Variants in CMTM4 observed in about 807,000 individuals in gnomAD.
CMTM4 encodes the protein CKLF-like MARVEL transmembrane domain-containing protein 4.
A neutral mutation model predicts 19.0 loss-of-function variants in CMTM4; 8 were observed. The observed-to-expected ratio is 0.42, with a 90% CI of 0.25 to 0.76. The LOEUF (loss-of-function observed/expected upper bound fraction) is 0.76. Among genes scored for constraint, CMTM4 ranks in the 30% least tolerant of loss-of-function variants. The probability of loss-of-function intolerance (pLI) is 0.27; values close to 1 mark genes in which losing one functional copy is unlikely to be tolerated. For missense variants in CMTM4, 228 were observed against 290.2 expected, an observed-to-expected ratio of 0.79 and a Z score of 1.56; for synonymous variants, 106 against 121.1, an observed-to-expected ratio of 0.88 and a Z score of 0.82.
rs759931112 is a variant in CMTM4, at chr16:66,696,311, G to A, written c.186+29C>T. The A allele has an allele frequency of 6.2e-6, 8 of 1,299,612 alleles. No individual in the cohort carries two copies. The highest frequency in any genetic ancestry group is 3.3e-5 in the East Asian group (1 of 30,274). The allele number at this position is 1,299,612 out of a possible 1,614,324, so 80.5% of individuals were successfully genotyped here. A position where few individuals can be genotyped will look rare whatever the true frequency, so the allele number is the denominator to read the frequency against. On this transcript the variant is annotated intron_variant, in intron 1 of 3. Transcript: ENST00000394106. The surrounding 1 kb of genome is among the most constrained non-coding windows in gnomAD (Gnocchi z 4.3). ...GGAGGCGTGCGGCTAGGCCGCCCTC[G>A]GGCACCTGGGGCCCCGCCCGGCACC...
At chr16:66,600,763 A>T in the CMTM4 span, among the ~76,000 whole-genome samples, 1 of 152,238 alleles carries the variant, frequency 6.6e-6, no homozygotes, top group South Asian at 2.1e-4. Context: ...CATCACCAGC[A>T]GCAGCAGAAA....
the CMTM4 span, among the ~76,000 whole-genome samples, chr16:66,607,107 G>A: frequency 6.6e-6 from 1 of 152,222 alleles, no homozygotes; most frequent in Non-Finnish European, 1.5e-5. Flanking sequence ...GTGGGGCTGT[G>A]CTCATGGGTG....
In CMTM4 at chr16:66,619,142, G is replaced by A. The variant is rs1567401340; in HGVS notation, c.*2916C>T. 1 of 985,464 alleles carries A rather than the reference G, an allele frequency of 1.0e-6. No individual in the cohort carries two copies. The highest frequency in any genetic ancestry group is 1.1e-4 in the East Asian group (1 of 8,820). The allele number at this position is 985,464 out of a possible 1,614,324, so 61.0% of individuals were successfully genotyped here. Reference sequence around the variant, plus strand: ...CAAGTATCTCCAGCCTTTCATGACTGTAATCCCTCTTTAAGGCAGGGAAAA... The same window carrying A: ...CAAGTATCTCCAGCCTTTCATGACTATAATCCCTCTTTAAGGCAGGGAAAA... On this transcript the variant is annotated 3_prime_UTR_variant, in exon 4 of 4. Transcript: ENST00000394106.
intron 1 of CMTM4, among the ~76,000 whole-genome samples, chr16:66,660,387 CAAA>C (rs34266604): frequency 1.3e-4 from 11 of 84,480 alleles, no homozygotes; most frequent in Non-Finnish European, 1.9e-4. Flanking sequence ...GATCCTGTCT[CAAA>C]AAAAAAAAAA....
intron 1 of CMTM4, among the ~76,000 whole-genome samples, chr16:66,657,218 T>G (rs531308908): frequency 6.6e-6 from 1 of 152,066 alleles, no homozygotes; most frequent in Non-Finnish European, 1.5e-5. Flanking sequence ...CTGAGTATCT[T>G]GGGCTATAGG....
chr16:66,673,404 C>G (rs1362988455), intron 1 of CMTM4, among the ~76,000 whole-genome samples: 1 of 150,812 alleles, frequency 6.6e-6, no homozygotes, highest in Non-Finnish European at 1.5e-5. Context: ...GACAGGGTCT[C>G]CCTGTGCTGC....
At chr16:66,683,731 C>A (rs753908274) in intron 1 of CMTM4, among the ~76,000 whole-genome samples, 1 of 151,708 alleles carries the variant, frequency 6.6e-6, no homozygotes, top group Non-Finnish European at 1.5e-5. Context: ...ATGGTCAATG[C>A]TCTGGAGGAG....
intron 2 of CMTM4, among the ~76,000 whole-genome samples, chr16:66,633,630 C>G (rs1299737115): frequency 6.6e-6 from 1 of 152,030 alleles, no homozygotes; most frequent in Admixed American, 6.6e-5. Flanking sequence ...ACAGTCTGGC[C>G]AACGTGGCGA....
intron 2 of CMTM4, among the ~76,000 whole-genome samples, chr16:66,630,379 C>G (rs1208530668): frequency 6.9e-6 from 1 of 145,038 alleles, no homozygotes; most frequent in Non-Finnish European, 1.5e-5. Flanking sequence ...CGGTCTCCCT[C>G]TGATGCCGAG....
intron 2 of CMTM4, among the ~76,000 whole-genome samples, chr16:66,632,802 G>A (rs766012156): frequency 1.3e-5 from 2 of 152,214 alleles, no homozygotes; most frequent in Admixed American, 1.3e-4. Context: ...AACAAATATC[G>A]CCAGGCACGG....
rs746754229 is a variant in CMTM4 at position 66,621,838 on chromosome 16, G to A, written c.*220C>T. On this transcript the variant is annotated 3_prime_UTR_variant, in exon 4 of 4. Coordinates refer to ENST00000394106, the MANE Select transcript of CMTM4 (RefSeq NM_181521.3). ...ACCTCAAGTGGACCTGGGCAGTGAC[G>A]CCGGCTGCTCCACAGCCCCAAACGC... 1.4e-5 allele frequency: 19 copies of A among 1,385,560 alleles called. No individual in the cohort carries two copies. Among genetic ancestry groups the A allele is most frequent in the South Asian group, 8.4e-5 (5 of 59,632 alleles). The allele number at this position is 1,385,560 out of a possible 1,614,324, so 85.8% of individuals were successfully genotyped here.
At chr16:66,609,449 T>G in the CMTM4 span, 1 of 1,612,968 alleles carries the variant, frequency 6.2e-7, no homozygotes, top group Non-Finnish European at 8.5e-7. The surrounding 1 kb of genome is among the most constrained non-coding windows in gnomAD (Gnocchi z 4.4). Context: ...TCCTGCGCTG[T>G]GTCACCGCGG....
At chr16:66,600,135 TG>T in the CMTM4 span, among the ~76,000 whole-genome samples, 25 of 134,126 alleles carry the variant, frequency 1.9e-4, no homozygotes, top group Non-Finnish European at 3.4e-4. Flanking sequence ...TGTGTGTGTG[TG>T]TTTTTTTTTG....
At chr16:66,695,432 T>C (rs1007062136) in intron 1 of CMTM4, among the ~76,000 whole-genome samples, 2 of 152,170 alleles carry the variant, frequency 1.3e-5, no homozygotes, top group African/African-American at 4.8e-5. Context: ...TCAGAAGGCC[T>C]ACCTGTGACA....
intron 1 of CMTM4, among the ~76,000 whole-genome samples, chr16:66,645,344 C>G (rs1253070724): frequency 6.6e-6 from 1 of 150,794 alleles, no homozygotes; most frequent in Non-Finnish European, 1.5e-5. Context: ...CTTTGGGAGG[C>G]CAAGGCGGGT....
chr16:66,631,308 T>TG (rs1388401059), intron 2 of CMTM4, among the ~76,000 whole-genome samples: 21 of 132,986 alleles, frequency 1.6e-4, no homozygotes, highest in African/African-American at 5.3e-4. Context: ...GGGAGGGAGG[T>TG]GGGGGGTCAG....
At chr16:66,683,537 T>C (rs1567432608) in intron 1 of CMTM4, among the ~76,000 whole-genome samples, 3 of 151,788 alleles carry the variant, frequency 2.0e-5, no homozygotes, top group African/African-American at 7.2e-5. Context: ...GTGATCCGCC[T>C]GCCTCGGTCT....
Position 66,618,564 on chromosome 16 carries a change from C to G in CMTM4, c.*3494G>C. ...ATGTGAATCTACAAGAAAAGGTACG[C>G]CTGGGCCACACGCAGGACATGGCAC... On this transcript the variant is annotated 3_prime_UTR_variant, in exon 4 of 4. Coordinates refer to ENST00000394106, the MANE Select transcript of CMTM4 (RefSeq NM_181521.3). The G allele has an allele frequency of 1.0e-6, 1 of 985,452 alleles. No homozygotes were observed. Among genetic ancestry groups the G allele is most frequent in the Non-Finnish European group, 1.2e-6 (1 of 829,972 alleles). 61.0% of individuals were successfully genotyped at this position (985,452 alleles called of 1,614,324 possible). A position where few individuals can be genotyped will look rare whatever the true frequency, so the allele number is the denominator to read the frequency against.
At chr16:66,673,343 G>A (rs1240781144) in intron 1 of CMTM4, among the ~76,000 whole-genome samples, 2 of 151,374 alleles carry the variant, frequency 1.3e-5, no homozygotes, top group Non-Finnish European at 2.9e-5. Context: ...AAGTAGCTGG[G>A]ACTACAGGCT....
Sources: allele counts gnomAD v4.1 joint callset (sites outside exome capture counted in the v4.1 genomes callset), GRCh38; gene constraint gnomAD v4.1.1; non-coding constraint Gnocchi (gnomAD v3.1); transcripts MANE v1.5; gene names NCBI Gene and HGNC (gene_info 2026-07-23, HGNC 2026-07-21).